The following SATL1 variants were observed in gnomAD, a reference collection of about 807,000 sequenced individuals.
The protein encoded by SATL1 is spermidine/spermine N(1)-acetyltransferase-like protein 1.
SATL1 carries 47 observed loss-of-function variants against 51.8 expected under a neutral mutation model. The ratio of observed to expected loss-of-function variants is 0.91; its 90% CI spans 0.72 to 1.16. SATL1 has a LOEUF of 1.16. Among genes scored for constraint, SATL1 ranks in the 50% most tolerant of loss-of-function variants. SATL1 has a pLI of 0.00. For missense variants in SATL1, 520 were observed against 526.4 expected (o/e 0.99, Z 0.12); for synonymous variants, 176 against 182.4 (o/e 0.97, Z 0.28).
chrX:85,155,103 C>T (rs765405397), intron 2 of SATL1, among the ~76,000 whole-genome samples: 7 of 111,242 alleles, frequency 6.3e-5, no homozygotes, highest in African/African-American at 9.8e-5. Context: ...CACCATAATT[C>T]CGTATCCTTT....
chrX:85,188,919 A>C (rs1414853365), intron 2 of SATL1, among the ~76,000 whole-genome samples: 1 of 111,701 alleles, frequency 9.0e-6, no homozygotes, highest in African/African-American at 3.3e-5. Flanking sequence ...ATTAAAGACA[A>C]AGCATTATCT....
chrX:85,179,652 C>T (rs1405197789), intron 2 of SATL1, among the ~76,000 whole-genome samples: 1 of 111,326 alleles, frequency 9.0e-6, no homozygotes, highest in Non-Finnish European at 1.9e-5. Flanking sequence ...GAAGAACTAA[C>T]ATATATTGAG....
chrX:85,151,135 A>G (rs1439080822), intron 2 of SATL1, among the ~76,000 whole-genome samples: 39 of 108,985 alleles, frequency 3.6e-4, no homozygotes, highest in South Asian at 8.3e-4. Context: ...ATACAAAATC[A>G]ATGTACAAAA....
intron 2 of SATL1, among the ~76,000 whole-genome samples, chrX:85,114,316 T>C (rs780137615): frequency 9.0e-6 from 1 of 111,512 alleles, no homozygotes; most frequent in Non-Finnish European, 1.9e-5. Flanking sequence ...ATCAGCAACA[T>C]TTTAAGCAAA....
chrX:85,130,659 T>C (rs754934722), intron 2 of SATL1, among the ~76,000 whole-genome samples: 3 of 111,781 alleles, frequency 2.7e-5, no homozygotes, highest in Non-Finnish European at 5.6e-5. Context: ...TGTTCTGCTC[T>C]GATCTTAGTT....
rs766314791 is a variant in SATL1, at chrX:85,094,965, G to A, written c.1725C>T (p.Pro575=). The A allele has an allele frequency of 2.6e-5, 30 of 1,175,599 alleles. No homozygotes were observed. The highest frequency in any genetic ancestry group is 2.3e-4 in the Middle Eastern group (1 of 4,291). Residue 575 remains proline, a synonymous_variant, in exon 5 of 8, where the codon CCC becomes CCT. Transcript: ENST00000644105. ...CTTCTGCAATCAGGCAGTAGAAAAG[G>A]GGATTGTCCCCAAAGCCATCTCTGA... The part of the protein sequence containing the change: ...DLLRDGFGDN[P]LFYCLIAEVN...
intron 2 of SATL1, among the ~76,000 whole-genome samples, chrX:85,183,429 T>A (rs890407304): frequency 9.0e-6 from 1 of 110,944 alleles, no homozygotes; most frequent in Admixed American, 9.6e-5. Flanking sequence ...CATTGGCCTA[T>A]GTATCTGTGT....
At chrX:85,193,711 C>T in intron 2 of SATL1, among the ~76,000 whole-genome samples, 1 of 111,635 alleles carries the variant, frequency 9.0e-6, no homozygotes, top group East Asian at 2.8e-4. Context: ...CTGTTGTTCC[C>T]TTCTTTGTGT....
intron 3 of SATL1, among the ~76,000 whole-genome samples, chrX:85,106,390 T>G (rs755921359): frequency 9.7e-4 from 109 of 112,044 alleles, no homozygotes; most frequent in African/African-American, 3.3e-3. Flanking sequence ...ATGGGTATTT[T>G]ATTTTGGCCA....
At chrX:85,170,912 C>T (rs1926957693) in intron 2 of SATL1, among the ~76,000 whole-genome samples, 1 of 111,122 alleles carries the variant, frequency 9.0e-6, no homozygotes, top group African/African-American at 3.3e-5. Context: ...TATATAAATG[C>T]TTGAACACAT....
chrX:85,140,975 T>G (rs1297053312), intron 2 of SATL1, among the ~76,000 whole-genome samples: 1 of 111,746 alleles, frequency 8.9e-6, no homozygotes, highest in Non-Finnish European at 1.9e-5. Context: ...ATTCATTAGT[T>G]CACTGAGGTT....
In SATL1 at chrX:85,108,693, T is replaced by C; in HGVS notation, c.276A>G (p.Gln92=). 2 of 1,202,601 alleles carry C rather than the reference T, an allele frequency of 1.7e-6. No homozygotes were observed. The highest frequency in any genetic ancestry group is 2.2e-6 in the Non-Finnish European group (2 of 890,438). ...LGRSQPGMLQ[Q]ELSQLVLSKA... ...TGCTCAGGACTAGTTGGCTCAGTTC[T>C]TGTTGCAGCATGCCTGGTTGGCTCC... The change falls in exon 3 of 8, where the codon CAA becomes CAG. Residue 92 remains glutamine, a synonymous_variant. Coordinates refer to ENST00000644105, the MANE Select transcript of SATL1 (RefSeq NM_001367857.2).
At chrX:85,188,854 T>G (rs759014789) in intron 2 of SATL1, among the ~76,000 whole-genome samples, 4 of 112,024 alleles carry the variant, frequency 3.6e-5, no homozygotes, top group Non-Finnish European at 7.5e-5. Flanking sequence ...TAAAGAGCAA[T>G]AGTATCTAGT....
rs775880066 is a variant in SATL1 at position 85,147,637 on chromosome X, C to A, written c.-312-38357G>T. Among the ~76,000 whole-genome samples, 5 of 111,581 alleles carry A rather than the reference C, an allele frequency of 4.5e-5. No homozygotes were observed. In the South Asian group the frequency reaches 1.9e-3, roughly 43 times the overall value. On this transcript the variant is annotated intron_variant, in intron 2 of 7. Transcript: ENST00000644105. ...CTCTGAGACAAAACTTCCAGAGGAA[C>A]GATCAGACAGGAGCATTCGCGATTC...
chrX:85,125,575 T>C (rs1925606812), intron 2 of SATL1, among the ~76,000 whole-genome samples: 2 of 107,544 alleles, frequency 1.9e-5, no homozygotes, highest in Admixed American at 2.0e-4. Context: ...GATAGAATTG[T>C]CCATTGCCTT....
At chrX:85,145,642 G>A in intron 2 of SATL1, among the ~76,000 whole-genome samples, 1 of 111,215 alleles carries the variant, frequency 9.0e-6, no homozygotes, top group Non-Finnish European at 1.9e-5. Context: ...ATTTGAAGCT[G>A]GTAGACAGCT....
intron 2 of SATL1, among the ~76,000 whole-genome samples, chrX:85,138,342 C>T (rs1296045402): frequency 1.8e-5 from 2 of 111,426 alleles, no homozygotes. Context: ...GTTTTGTCTC[C>T]CCTGTTGGGA....
At chrX:85,152,834 G>A (rs1326416409) in intron 2 of SATL1, among the ~76,000 whole-genome samples, 2 of 110,281 alleles carry the variant, frequency 1.8e-5, no homozygotes, top group African/African-American at 3.3e-5. Flanking sequence ...GGGGTAGTGG[G>A]GAGGGATAGC....
chrX:85,229,401 A>C (rs1297314801), intron 1 of SATL1, among the ~76,000 whole-genome samples: 3 of 111,775 alleles, frequency 2.7e-5, no homozygotes, highest in African/African-American at 9.7e-5. Flanking sequence ...ATTAACAAAG[A>C]GGCAAAAATT....
Sources: gnomAD v4.1 joint callset for allele counts (sites outside exome capture counted in the v4.1 genomes callset) on GRCh38, gnomAD v4.1.1 for gene constraint, MANE v1.5 for transcripts, NCBI Gene and HGNC (gene_info 2026-07-23, HGNC 2026-07-21) for gene names.